Variants in NELL1 observed in about 807,000 individuals in gnomAD.
The protein encoded by NELL1 is protein kinase C-binding protein NELL1.
Under a neutral mutation model 107.4 loss-of-function variants are expected in NELL1, and 76 were observed. That is an observed-to-expected ratio of 0.71 (90% CI 0.59 to 0.86). The LOEUF (loss-of-function observed/expected upper bound fraction) is 0.86, where lower values mean the gene tolerates loss of function less well. Among genes scored for constraint, NELL1 ranks in the 40% least tolerant of loss-of-function variants. NELL1 has a pLI of 0.00. For synonymous variants in NELL1, 353 were observed against 341.2 expected (o/e 1.03, Z -0.38); for missense variants, 1,024 against 1,005.5 (o/e 1.02, Z -0.25).
chr11:21,219,716 AT>A (rs1342980618), intron 13 of NELL1, among the ~76,000 whole-genome samples: 1 of 152,176 alleles, frequency 6.6e-6, no homozygotes, highest in Non-Finnish European at 1.5e-5. Flanking sequence ...TTTTCCCAGC[AT>A]CATTTAAGGA....
chr11:21,445,350 G>A (rs932687882), intron 15 of NELL1, among the ~76,000 whole-genome samples: 4 of 143,634 alleles, frequency 2.8e-5, no homozygotes, highest in African/African-American at 9.8e-5. Flanking sequence ...TTTTGAGATG[G>A]AATTTCGCTC....
chr11:21,499,812 G>C (rs1473841258), intron 15 of NELL1, among the ~76,000 whole-genome samples: 4 of 152,250 alleles, frequency 2.6e-5, no homozygotes, highest in South Asian at 2.1e-4. Flanking sequence ...AAGGTTGCCA[G>C]TAATCACTGT....
At position 21,507,213 on chromosome 11, in the gene NELL1, C is replaced by A. The variant is rs886612586; in HGVS notation, c.1646-27161C>A. Among the ~76,000 whole-genome samples the A allele has an allele frequency of 4.6e-5, 7 of 152,304 alleles. No individual in the cohort carries two copies. In the South Asian group the frequency reaches 1.5e-3, roughly 32 times the overall value. ...CATACTTTGTGTTTCACAGTTTTTTCTTCTTCATTGAATATCTTCCTTTCA... is the reference window on the plus strand; with the variant it reads ...CATACTTTGTGTTTCACAGTTTTTTATTCTTCATTGAATATCTTCCTTTCA... On this transcript the variant is annotated intron_variant, in intron 15 of 19. Transcript: ENST00000357134.
intron 5 of NELL1, among the ~76,000 whole-genome samples, chr11:20,891,919 G>T (rs187290509): frequency 7.9e-5 from 12 of 152,124 alleles, no homozygotes; most frequent in African/African-American, 2.9e-4. Flanking sequence ...AATAGTGAGA[G>T]ACTTTAACAC....
At chr11:20,672,206 T>C in intron 1 of NELL1, among the ~76,000 whole-genome samples, 1 of 152,232 alleles carries the variant, frequency 6.6e-6, no homozygotes, top group South Asian at 2.1e-4. Flanking sequence ...GCAGAAATCA[T>C]TTCCACATCA....
intron 14 of NELL1, among the ~76,000 whole-genome samples, chr11:21,302,044 A>G (rs912083637): frequency 6.6e-6 from 1 of 152,062 alleles, no homozygotes; most frequent in East Asian, 1.9e-4. Flanking sequence ...TGATCTGTTC[A>G]CTTGCTCATC....
intron 5 of NELL1, 26 bp from the exon 6 acceptor site, chr11:20,918,156 T>G (rs1383892741): frequency 7.3e-7 from 1 of 1,366,414 alleles, no homozygotes; most frequent in Admixed American, 1.7e-5. Flanking sequence ...TAATCTTGAT[T>G]GCCACCTGTC....
At chr11:21,555,769 C>T (rs1200629319) in intron 16 of NELL1, among the ~76,000 whole-genome samples, 1 of 151,864 alleles carries the variant, frequency 6.6e-6, no homozygotes, top group Non-Finnish European at 1.5e-5. Context: ...TTTGTCTTTT[C>T]AGGCTGAACA....
chr11:21,214,429 C>T (rs1272362688), intron 13 of NELL1, among the ~76,000 whole-genome samples: 1 of 151,704 alleles, frequency 6.6e-6, no homozygotes, highest in Non-Finnish European at 1.5e-5. Flanking sequence ...ATACAGATGG[C>T]GAGTGAAGAT....
In NELL1 at chr11:20,669,819, G is replaced by T. The variant is rs1351089221; in HGVS notation, c.55+41G>T. The T allele has an allele frequency of 6.4e-7, 1 of 1,568,504 alleles. No individual in the cohort carries two copies. Among genetic ancestry groups the T allele is most frequent in the Non-Finnish European group, 8.8e-7 (1 of 1,139,132 alleles). The stretch of plus-strand genomic sequence containing the variant: ...GCGGTTAGAGGGATCCGGGAAATGG[G>T]GGTGCCCACAGACCACGGCGGCGTG... On this transcript the variant is annotated intron_variant, in intron 1 of 19. Coordinates refer to ENST00000357134, the MANE Select transcript of NELL1 (RefSeq NM_006157.5). This position sits in a 1 kb window ranked among gnomAD's most constrained non-coding sequence, Gnocchi z 4.4.
intron 10 of NELL1, among the ~76,000 whole-genome samples, chr11:20,938,930 C>G (rs1178650267): frequency 8.1e-6 from 1 of 123,992 alleles, no homozygotes; most frequent in Non-Finnish European, 1.8e-5. Context: ...CTCTCTCTCT[C>G]TCTCTCTCTC....
chr11:21,144,997 T>C (rs1022627838), intron 13 of NELL1, among the ~76,000 whole-genome samples: 5 of 152,166 alleles, frequency 3.3e-5, no homozygotes, highest in Non-Finnish European at 5.9e-5. Context: ...GTTTCCTCAG[T>C]CACAAAACTT....
chr11:21,109,545 T>C (rs1265276266), intron 12 of NELL1, among the ~76,000 whole-genome samples: 1 of 152,148 alleles, frequency 6.6e-6, no homozygotes, highest in Non-Finnish European at 1.5e-5. Context: ...GGCAGAGTAC[T>C]GTCACCACCT....
chr11:20,848,453 T>C (rs1481908472), intron 4 of NELL1, among the ~76,000 whole-genome samples: 1 of 152,178 alleles, frequency 6.6e-6, no homozygotes, highest in Admixed American at 6.5e-5. Flanking sequence ...GGATCATTTA[T>C]GGCTGGACAG....
chr11:21,493,386 A>G (rs540395686), intron 15 of NELL1, among the ~76,000 whole-genome samples: 3 of 152,294 alleles, frequency 2.0e-5, no homozygotes, highest in East Asian at 1.9e-4. Context: ...TGTATACACT[A>G]TGAAGTACTA....
intron 3 of NELL1, among the ~76,000 whole-genome samples, chr11:20,811,316 A>T (rs1456563600): frequency 6.6e-6 from 1 of 151,992 alleles, no homozygotes; most frequent in African/African-American, 2.4e-5. Flanking sequence ...GTCTGTTTTT[A>T]TGCCAGTATC....
At chr11:21,277,473 T>C (rs922875831) in intron 14 of NELL1, among the ~76,000 whole-genome samples, 32 of 151,646 alleles carry the variant, frequency 2.1e-4, no homozygotes, top group African/African-American at 7.5e-4. Context: ...AGTTCAACCA[T>C]TGTGGAAGTC....
At chr11:21,505,118 T>A (rs980384655) in intron 15 of NELL1, among the ~76,000 whole-genome samples, 1 of 152,200 alleles carries the variant, frequency 6.6e-6, no homozygotes, top group Non-Finnish European at 1.5e-5. Context: ...GCATATATCT[T>A]ACAAAAGCCA....
chr11:21,311,115 T>G (rs1168354433), intron 14 of NELL1, among the ~76,000 whole-genome samples: 5 of 152,158 alleles, frequency 3.3e-5, no homozygotes, highest in Non-Finnish European at 7.4e-5. Context: ...TTATTGATGC[T>G]GTCAGGAAAC....
Sources: allele counts gnomAD v4.1 joint callset (sites outside exome capture counted in the v4.1 genomes callset), GRCh38; gene constraint gnomAD v4.1.1; non-coding constraint Gnocchi (gnomAD v3.1); transcripts MANE v1.5; gene names NCBI Gene and HGNC (gene_info 2026-07-23, HGNC 2026-07-21).